HDAC4: variants seen among roughly 807,000 people sequenced by gnomAD.
HDAC4 encodes the protein histone deacetylase A.
HDAC4 carries 16 observed loss-of-function variants against 135.1 expected under a neutral mutation model. That is an observed-to-expected ratio of 0.12 (90% CI 0.08 to 0.18). The LOEUF is 0.18. HDAC4 is among the 10% of genes least tolerant of loss of function. The pLI is 1.00. For missense variants in HDAC4, 1,143 were observed against 1,511.8 expected (o/e 0.76, Z 4.05); for synonymous variants, 685 against 653.4 (o/e 1.05, Z -0.74).
intron 3 of HDAC4, among the ~76,000 whole-genome samples, chr2:239,217,811 G>C (rs567607649): frequency 1.3e-5 from 2 of 152,142 alleles, no homozygotes; most frequent in South Asian, 4.1e-4. Flanking sequence ...AAACAGGGTC[G>C]GGCACAACAG....
chr2:239,116,834 C>T (rs1225988719), intron 12 of HDAC4, among the ~76,000 whole-genome samples: 1 of 152,232 alleles, frequency 6.6e-6, no homozygotes, highest in Non-Finnish European at 1.5e-5. Flanking sequence ...CTTCCTCGGC[C>T]TCCAGCCACT....
At chr2:239,173,928 C>T (rs1438917523) in intron 5 of HDAC4, among the ~76,000 whole-genome samples, 1 of 152,122 alleles carries the variant, frequency 6.6e-6, no homozygotes, top group East Asian at 1.9e-4. Flanking sequence ...CAAATATATG[C>T]AAGCCTCCTA....
chr2:239,215,635 C>T (rs2046589989), intron 3 of HDAC4, among the ~76,000 whole-genome samples: 1 of 152,154 alleles, frequency 6.6e-6, no homozygotes, highest in Admixed American at 6.5e-5. Context: ...GGAGACATCC[C>T]CGCAGGAAAT....
chr2:239,392,870 C>A (rs1696321064), intron 1 of HDAC4, among the ~76,000 whole-genome samples: 1 of 152,248 alleles, frequency 6.6e-6, no homozygotes, highest in Non-Finnish European at 1.5e-5. Flanking sequence ...ATGGGCCAGG[C>A]TGGGCTCAGC....
At chr2:239,226,184 C>T (rs538608914) in intron 3 of HDAC4, among the ~76,000 whole-genome samples, 4 of 152,250 alleles carry the variant, frequency 2.6e-5, no homozygotes, top group Non-Finnish European at 2.9e-5. Flanking sequence ...GATAAAAAGC[C>T]CTTTAACCAG....
At chr2:239,338,643 A>C (rs1692099912) in intron 2 of HDAC4, among the ~76,000 whole-genome samples, 1 of 152,258 alleles carries the variant, frequency 6.6e-6, no homozygotes, top group African/African-American at 2.4e-5. Context: ...TATTTTTCTA[A>C]GGGAGTTCTC....
intron 7 of HDAC4, among the ~76,000 whole-genome samples, chr2:239,148,258 G>A (rs142425799): frequency 4.6e-5 from 7 of 152,292 alleles, no homozygotes; most frequent in African/African-American, 7.2e-5. Flanking sequence ...AAAAACTAAA[G>A]TGCAGAAGGA....
At position 239,211,310 on chromosome 2, in the gene HDAC4, C is replaced by T. The variant is rs2046344818; in HGVS notation, c.95-21233G>A. ...ACAAAATCACTAAGCAGTATAAAAG[C>T]CAGCTTCCAGAATGCTGGAAAGAAT... On this transcript the variant is annotated intron_variant, in intron 3 of 26. Transcript: ENST00000543185. Among the ~76,000 whole-genome samples, 3 of 152,220 alleles carry T rather than the reference C, an allele frequency of 2.0e-5. No homozygotes were observed. The South Asian group carries it at 6.2e-4, about 32-fold the overall frequency.
At chr2:239,249,130 T>C (rs760262936) in intron 2 of HDAC4, among the ~76,000 whole-genome samples, 4 of 152,202 alleles carry the variant, frequency 2.6e-5, no homozygotes, top group Non-Finnish European at 5.9e-5. Context: ...CTGAAGGACA[T>C]GTGGGATCAA....
At chr2:239,386,278 C>CA (rs1297327317) in intron 1 of HDAC4, among the ~76,000 whole-genome samples, 1 of 151,928 alleles carries the variant, frequency 6.6e-6, no homozygotes, top group African/African-American at 2.4e-5. Context: ...CACTGAGACT[C>CA]AAATGCTCAA....
At chr2:239,094,495 G>A (rs1424785867) in intron 17 of HDAC4, 12 of 1,011,272 alleles carry the variant, frequency 1.2e-5, no homozygotes, top group Non-Finnish European at 1.4e-5. Context: ...ACAGACCAGT[G>A]ATTCATATGC....
chr2:239,088,798 C>T (rs539784670), intron 18 of HDAC4, among the ~76,000 whole-genome samples: 2 of 152,220 alleles, frequency 1.3e-5, no homozygotes, highest in Non-Finnish European at 2.9e-5. Context: ...TTGGAACACA[C>T]GGCTCTGCCC....
intron 2 of HDAC4, among the ~76,000 whole-genome samples, chr2:239,239,057 T>C (rs1046861047): frequency 3.3e-5 from 5 of 151,080 alleles, no homozygotes; most frequent in East Asian, 1.9e-4. Flanking sequence ...GCGGGTGGGG[T>C]GGTTTCTGAC....
chr2:239,106,105 AC>A (rs2038106513), intron 15 of HDAC4, among the ~76,000 whole-genome samples: 1 of 151,940 alleles, frequency 6.6e-6, no homozygotes, highest in Non-Finnish European at 1.5e-5. Context: ...ACACCTGGGG[AC>A]CCTCTGCCAG....
chr2:239,310,888 G>A (rs1053257320), intron 2 of HDAC4, among the ~76,000 whole-genome samples: 2 of 152,222 alleles, frequency 1.3e-5, no homozygotes, highest in African/African-American at 2.4e-5. Context: ...TGCCAGGTTA[G>A]CCACGTCCAA....
intron 1 of HDAC4, among the ~76,000 whole-genome samples, chr2:239,378,192 C>G (rs1370076456): frequency 6.6e-6 from 1 of 152,084 alleles, no homozygotes; most frequent in Admixed American, 6.5e-5. Context: ...AGGCGTCTGT[C>G]GAAGAGCAGC....
At chr2:239,224,672 AG>A in intron 3 of HDAC4, among the ~76,000 whole-genome samples, 1 of 152,302 alleles carries the variant, frequency 6.6e-6, no homozygotes, top group Non-Finnish European at 1.5e-5. Flanking sequence ...ACCATGAAAT[AG>A]GGGTCTCTGT....
chr2:239,205,271 A>G (rs764523432), intron 3 of HDAC4, among the ~76,000 whole-genome samples: 15 of 152,230 alleles, frequency 9.9e-5, no homozygotes, highest in Non-Finnish European at 2.1e-4. Context: ...AGAAAGCACA[A>G]CGATGCATGA....
chr2:239,175,438 G>A lies in HDAC4; in HGVS notation c.490+975C>T, dbSNP rs116564907. Among the ~76,000 whole-genome samples, 1,094 of 152,310 alleles carry A rather than the reference G, an allele frequency of 7.2e-3. 15 individuals carry two copies. The highest frequency in any genetic ancestry group is 0.025 in the African/African-American group (1,034 of 41,562). On this transcript the variant is annotated intron_variant, in intron 5 of 26. Coordinates refer to ENST00000543185, the MANE Select transcript of HDAC4 (RefSeq NM_001378414.1). ...CCAGCAGCCCACAGTCAGCAGGGGC[G>A]ACACTGTTACCTTTTCCTCAGTAGA...
Sources: gnomAD v4.1 joint callset for allele counts (sites outside exome capture counted in the v4.1 genomes callset) on GRCh38, gnomAD v4.1.1 for gene constraint, MANE v1.5 for transcripts, NCBI Gene and HGNC (gene_info 2026-07-23, HGNC 2026-07-21) for gene names.